LCT: variants seen among roughly 807,000 people sequenced by gnomAD.
LCT encodes lactase.
Under a neutral mutation model 173.0 loss-of-function variants are expected in LCT, and 90 were observed. The observed-to-expected ratio is 0.52, with a 90% CI of 0.44 to 0.62. The LOEUF is 0.62. Ranked by LOEUF, LCT falls within the 20% of genes least tolerant of loss-of-function variation. The pLI, the probability that LCT is intolerant of heterozygous loss-of-function variation, is 0.00. For missense variants in LCT, 1,864 were observed against 2,431.4 expected (o/e 0.77, Z 4.91); for synonymous variants, 853 against 957.6 (o/e 0.89, Z 2.02).
At chr2:135,788,592 G>T in intron 16 of LCT, 48 bp from the exon 17 acceptor site, 1 of 1,210,742 alleles carries the variant, frequency 8.3e-7, no homozygotes, top group Non-Finnish European at 1.2e-6. Context: ...GCTGATTTGA[G>T]TTCTCAGATC....
rs1371521263 is a variant in LCT at position 135,818,043 on chromosome 2, A to T, written c.1005T>A (p.Thr335=). ...GGTCAGGCTGAAGGGCCAGGCTGCC[A>T]GTCAGAGAACAAGACATGCTGCAGG... ...SSKKSMSCSL[T]GSLALQPDQQ... The change falls in exon 6 of 17, where the codon ACT becomes ACA. Residue 335 remains threonine (T), a synonymous_variant. Coordinates refer to ENST00000264162, the MANE Select transcript of LCT (RefSeq NM_002299.4). The T allele has an allele frequency of 6.2e-7, 1 of 1,613,400 alleles. No homozygotes were observed. Among genetic ancestry groups the T allele is most frequent in the Admixed American group, 1.7e-5 (1 of 60,024 alleles).
At chr2:135,797,828 G>T (rs1426298852) in intron 13 of LCT, among the ~76,000 whole-genome samples, 1 of 152,186 alleles carries the variant, frequency 6.6e-6, no homozygotes, top group Non-Finnish European at 1.5e-5. Context: ...AGATTTCCTG[G>T]CTGTTCCACA....
chr2:135,822,542 C>T lies in LCT; in HGVS notation c.908-444G>A, dbSNP rs184694606. ...ATATTTTTAAAATTGTGGTAAAATA[C>T]GCATAAACAGAAAAGGTACAATTTT... On this transcript the variant is annotated intron_variant, in intron 4 of 16. Transcript: ENST00000264162. The T allele has an allele frequency of 4.9e-4, 99 of 202,128 alleles. 1 individual carries two copies. Among genetic ancestry groups the T allele is most frequent in the African/African-American group, 2.0e-3 (87 of 42,644 alleles). The allele number at this position is 202,128 out of a possible 1,614,324, so 12.5% of individuals were successfully genotyped here.
intron 8 of LCT, among the ~76,000 whole-genome samples, chr2:135,807,974 A>C (rs911933801): frequency 5.3e-5 from 8 of 151,894 alleles, no homozygotes; most frequent in Admixed American, 4.6e-4. Context: ...CCAAAAATAC[A>C]AAAAAATTAG....
At chr2:135,819,184 T>G (rs2077807943) in intron 5 of LCT, among the ~76,000 whole-genome samples, 1 of 152,240 alleles carries the variant, frequency 6.6e-6, no homozygotes, top group Non-Finnish European at 1.5e-5. Context: ...CATGTACATA[T>G]GTATATGCAT....
At chr2:135,812,998 T>G (rs371499079) in intron 6 of LCT, 42 bp from the exon 7 acceptor site, 72 of 1,568,294 alleles carry the variant, frequency 4.6e-5, no homozygotes, top group Non-Finnish European at 2.2e-5. Context: ...TTAGTAATAA[T>G]AACAATGACA....
chr2:135,821,276 T>C (rs1435868254), intron 5 of LCT, among the ~76,000 whole-genome samples: 9 of 152,196 alleles, frequency 5.9e-5, no homozygotes, highest in Admixed American at 5.9e-4. Context: ...GATTCAAACC[T>C]CTGTCCCTAG....
At position 135,804,784 on chromosome 2, in the gene LCT, C is replaced by T. The variant is rs139591272; in HGVS notation, c.4447G>A (p.Ala1483Thr). 173 of 1,612,638 alleles carry T rather than the reference C, an allele frequency of 1.1e-4. No homozygotes were observed. Among genetic ancestry groups the T allele is most frequent in the African/African-American group, 8.0e-4 (60 of 74,892 alleles). ...CACCATACCTGGGGCTGGATGCTGGCGGCCAGCAGTGTATCGATGAGCCTC... is the reference window on the plus strand; with the variant it reads ...CACCATACCTGGGGCTGGATGCTGGTGGCCAGCAGTGTATCGATGAGCCTC... ...YVRLIDTLLA[A>T]SIQPQVTIYH... is the part of the protein sequence containing the mutation. The change falls in exon 10 of 17, where the codon GCC becomes ACC. Residue 1483 changes from alanine to threonine, a missense_variant. By Grantham distance (58) the Ala-to-Thr change is moderately conservative. This residue lies in a region of LCT where 514 missense variants were observed against 750.1 expected (regional missense o/e 0.69). Transcript: ENST00000264162.
chr2:135,819,041 G>A (rs1193178458), intron 5 of LCT, among the ~76,000 whole-genome samples: 1 of 152,164 alleles, frequency 6.6e-6, no homozygotes, highest in African/African-American at 2.4e-5. Context: ...TGTTAAAGGT[G>A]ACAAAGCAAC....
At chr2:135,792,875 ACC>A (rs1247823586) in intron 14 of LCT, among the ~76,000 whole-genome samples, 2 of 152,110 alleles carry the variant, frequency 1.3e-5, no homozygotes, top group Admixed American at 6.6e-5. Context: ...AACCTGAGAA[ACC>A]CAAATACCCT....
intron 3 of LCT, among the ~76,000 whole-genome samples, chr2:135,828,933 G>A (rs1165741091): frequency 6.6e-6 from 1 of 152,178 alleles, no homozygotes; most frequent in East Asian, 1.9e-4. Context: ...GCTCACGCCT[G>A]TAATCCCAAC....
At chr2:135,823,092 A>G (rs1387228812) in intron 4 of LCT, 1 of 152,378 alleles carries the variant, frequency 6.6e-6, no homozygotes, top group African/African-American at 2.4e-5. Context: ...TTCTCTATAA[A>G]TTACGCAGTC....
At chr2:135,832,218 A>G (rs1344391434) in intron 2 of LCT, among the ~76,000 whole-genome samples, 1 of 150,576 alleles carries the variant, frequency 6.6e-6, no homozygotes, top group Non-Finnish European at 1.5e-5. Flanking sequence ...CTCCATCTCA[A>G]AAAAAAAATA....
chr2:135,789,892 C>A (rs2105516506), intron 15 of LCT, 94 bp from the exon 16 acceptor site: 1 of 946,646 alleles, frequency 1.1e-6, no homozygotes. Context: ...ACTGCTCTCC[C>A]CACCGCCTTC....
Position 135,809,620 on chromosome 2 carries a change from C to A in LCT, c.2727G>T (p.Trp909Cys). The A allele has an allele frequency of 6.2e-7, 1 of 1,614,218 alleles. No homozygotes were observed. The highest frequency in any genetic ancestry group is 8.5e-7 in the Non-Finnish European group (1 of 1,180,040). ...TCTGATAAGCGGAAGAGGACACGCC[C>A]CACAGAAAGTCATCCCGAAACGTCC... ...YHGTFRDDFLWGVSSSAYQIE... is the reference protein window; with the variant it reads ...YHGTFRDDFLCGVSSSAYQIE... The change falls in exon 8 of 17, where the codon TGG (tryptophan) becomes TGT (cysteine). Residue 909 changes from tryptophan to cysteine, a missense_variant. Transcript: ENST00000264162. This position sits in a 1 kb window ranked among gnomAD's most constrained non-coding sequence, Gnocchi z 5.5.
intron 4 of LCT, chr2:135,822,392 T>C (rs953339527): frequency 1.2e-5 from 5 of 402,144 alleles, no homozygotes; most frequent in African/African-American, 4.1e-5. Flanking sequence ...AGGTCTCAAG[T>C]AGGGCTCAAG....
intron 14 of LCT, among the ~76,000 whole-genome samples, chr2:135,791,675 A>G (rs1005693126): frequency 6.6e-6 from 1 of 152,216 alleles, no homozygotes; most frequent in African/African-American, 2.4e-5. Context: ...CCCAGGGCTC[A>G]TAAGAGGGAG....
At chr2:135,819,814 C>T (rs1457357953) in intron 5 of LCT, among the ~76,000 whole-genome samples, 2 of 152,320 alleles carry the variant, frequency 1.3e-5, no homozygotes, top group East Asian at 1.9e-4. Flanking sequence ...TCCGCTGCTC[C>T]GAACCTCGCT....
In LCT at chr2:135,817,949, C is replaced by T; in HGVS notation, c.1099G>A (p.Ala367Thr). The T allele has an allele frequency of 6.2e-7, 1 of 1,613,952 alleles. No homozygotes were observed. The highest frequency in any genetic ancestry group is 8.5e-7 in the Non-Finnish European group (1 of 1,180,012). The stretch of plus-strand genomic sequence containing the variant: ...TCCCTTTCCGCCCTGGACTGATTGG[C>T]AAATGCTTCCCAGATTCTCTGATAG... ...SAYQRIWEAF[A>T]NQSRAERDAF... is the part of the protein sequence containing the mutation. Residue 367 changes from alanine to threonine, a missense_variant, in exon 6 of 17, where the codon GCC (alanine) becomes ACC (threonine). This residue lies in a region of LCT where 412 missense variants were observed against 462.0 expected (regional missense o/e 0.89). Coordinates refer to ENST00000264162, the MANE Select transcript of LCT (RefSeq NM_002299.4).
Sources: allele counts gnomAD v4.1 joint callset (sites outside exome capture counted in the v4.1 genomes callset), GRCh38; gene constraint gnomAD v4.1.1; regional missense constraint gnomAD v4.1.1; non-coding constraint Gnocchi (gnomAD v3.1); transcripts MANE v1.5; gene names NCBI Gene and HGNC (gene_info 2026-07-23, HGNC 2026-07-21).